The following ANKFN1 variants were observed in gnomAD, a reference collection of about 807,000 sequenced individuals.
The protein encoded by ANKFN1 is ankyrin repeat and fibronectin type III domain containing 1.
A neutral mutation model predicts 108.7 loss-of-function variants in ANKFN1; 74 were observed. The observed-to-expected ratio is 0.68, with a 90% CI of 0.56 to 0.83. The LOEUF is 0.83. ANKFN1 is among the 40% of genes least tolerant of loss of function. The probability of loss-of-function intolerance (pLI) is 0.00; values close to 1 mark genes in which losing one functional copy is unlikely to be tolerated. For synonymous variants in ANKFN1, 547 were observed against 516.2 expected, an observed-to-expected ratio of 1.06 and a Z score of -0.81; for missense variants, 1,505 against 1,382.3, an observed-to-expected ratio of 1.09 and a Z score of -1.41.
In ANKFN1 at chr17:56,353,968, C is replaced by G. The variant is rs1394524245; in HGVS notation, c.523C>G (p.Leu175Val). 1.9e-6 allele frequency: 3 copies of G among 1,613,886 alleles called. No homozygotes were observed. Among genetic ancestry groups the G allele is most frequent in the Non-Finnish European group, 2.5e-6 (3 of 1,179,996 alleles). ...ACCTAACAGCGAGGGCTTGACACCCCTGGATATTGCCATCATGACCAACAA... is the reference window on the plus strand; with the variant it reads ...ACCTAACAGCGAGGGCTTGACACCCGTGGATATTGCCATCATGACCAACAA... The part of the protein sequence containing the change: ...NTPNSEGLTP[L>V]DIAIMTNNVP... The change falls in exon 6 of 21, where the codon CTG becomes GTG. Residue 175 changes from leucine to valine, a missense_variant. Coordinates refer to ENST00000682825, the MANE Select transcript of ANKFN1 (RefSeq NM_001370326.1).
At chr17:56,144,794 T>C (rs1908154846) in intron 4 of ANKFN1, among the ~76,000 whole-genome samples, 1 of 152,216 alleles carries the variant, frequency 6.6e-6, no homozygotes, top group South Asian at 2.1e-4. Context: ...TTGGAGCAGA[T>C]GTCTGAGGCA....
intron 4 of ANKFN1, among the ~76,000 whole-genome samples, chr17:56,339,278 T>G (rs8082579): frequency 0.79 from 120,752 of 152,000 alleles, 48,281 homozygotes; most frequent in East Asian, 0.96. Flanking sequence ...TTTTATATTT[T>G]TCTGTATAAT....
chr17:56,325,699 C>T (rs1251145395), intron 3 of ANKFN1, among the ~76,000 whole-genome samples: 1 of 152,176 alleles, frequency 6.6e-6, no homozygotes, highest in Non-Finnish European at 1.5e-5. Context: ...GCGCAGGTGC[C>T]CTGTGGTGAA....
chr17:56,477,700 T>C, intron 16 of ANKFN1, 46 bp downstream of exon 16: 1 of 1,587,268 alleles, frequency 6.3e-7, no homozygotes, highest in Non-Finnish European at 8.6e-7. Flanking sequence ...AAACAGTGGC[T>C]CAAGTGACCA....
chr17:56,068,337 G>A (rs1410511559), intron 4 of ANKFN1, among the ~76,000 whole-genome samples: 2 of 152,166 alleles, frequency 1.3e-5, no homozygotes, highest in Admixed American at 6.5e-5. Context: ...AGATGAGAAG[G>A]TGAAGCAGCC....
intron 1 of ANKFN1, among the ~76,000 whole-genome samples, chr17:56,159,791 GAT>G (rs1393655503): frequency 2.6e-5 from 4 of 152,110 alleles, no homozygotes; most frequent in Non-Finnish European, 5.9e-5. Context: ...TGGACAGAAA[GAT>G]AGAGGGGCAG....
chr17:56,297,538 T>G (rs1990496), intron 3 of ANKFN1, among the ~76,000 whole-genome samples: 5,199 of 152,284 alleles, frequency 0.034, 113 homozygotes, highest in Non-Finnish European at 0.055. Context: ...TGAGATTCAT[T>G]TTGATAATCT....
chr17:56,159,812 G>A (rs1462941314), intron 1 of ANKFN1, among the ~76,000 whole-genome samples: 1 of 152,164 alleles, frequency 6.6e-6, no homozygotes, highest in East Asian at 1.9e-4. Flanking sequence ...AGAGAGAAAT[G>A]GGGCACTGTC....
In ANKFN1 at chr17:56,513,412, A is replaced by G. The variant is rs915910676; in HGVS notation, c.*2143A>G. ...CATTTCAAATTATGCCTCTTAGTTA[A>G]TAACAAGAATGGCAGAGTCATTTGC... On this transcript the variant is annotated 3_prime_UTR_variant, in exon 21 of 21. Transcript: ENST00000682825. 1.3e-5 allele frequency among the ~76,000 whole-genome samples: 2 copies of G among 152,266 alleles called. No individual in the cohort carries two copies. The highest frequency in any genetic ancestry group is 4.8e-5 in the African/African-American group (2 of 41,486).
intron 3 of ANKFN1, among the ~76,000 whole-genome samples, chr17:56,260,461 A>G (rs2043480924): frequency 1.3e-5 from 2 of 151,968 alleles, no homozygotes; most frequent in South Asian, 4.1e-4. Context: ...CCTTTGGCAA[A>G]TAGGGGCGGG....
At chr17:56,286,034 G>A (rs1029125480) in intron 3 of ANKFN1, among the ~76,000 whole-genome samples, 1 of 152,132 alleles carries the variant, frequency 6.6e-6, no homozygotes. Flanking sequence ...AAGCATCTCA[G>A]TGTGGAAAAG....
At chr17:56,288,636 C>T (rs1158995250) in intron 3 of ANKFN1, among the ~76,000 whole-genome samples, 2 of 152,106 alleles carry the variant, frequency 1.3e-5, no homozygotes, top group Admixed American at 6.6e-5. Flanking sequence ...CTAAAACTTA[C>T]CCTACAAGAG....
chr17:56,447,005 T>C (rs1031916619), intron 10 of ANKFN1, among the ~76,000 whole-genome samples: 19 of 151,884 alleles, frequency 1.3e-4, no homozygotes, highest in African/African-American at 4.6e-4. Flanking sequence ...GGTGGATCAC[T>C]TGAGGCCAGA....
chr17:56,221,951 C>A (rs1915923143), intron 2 of ANKFN1, among the ~76,000 whole-genome samples: 1 of 152,174 alleles, frequency 6.6e-6, no homozygotes, highest in East Asian at 1.9e-4. Flanking sequence ...GGGGCCCACC[C>A]CATAGAGCCT....
chr17:56,273,898 A>C (rs1473138029), intron 3 of ANKFN1, among the ~76,000 whole-genome samples: 1 of 152,224 alleles, frequency 6.6e-6, no homozygotes, highest in Non-Finnish European at 1.5e-5. Context: ...CTTCAGGTAC[A>C]GTTTGATTCA....
chr17:56,152,852 CCAGCCT>C (rs1411939046), upstream of ANKFN1, among the ~76,000 whole-genome samples: 1 of 152,192 alleles, frequency 6.6e-6, no homozygotes, highest in Non-Finnish European at 1.5e-5. Context: ...AAAAGAAAGG[CCAGCCT>C]CAGCCCTTAA....
intron 1 of ANKFN1, among the ~76,000 whole-genome samples, chr17:56,178,215 A>G (rs576769981): frequency 6.6e-4 from 101 of 152,324 alleles, no homozygotes; most frequent in Admixed American, 2.6e-3. Context: ...CCCCAGAATG[A>G]TCTGATCCAT....
intron 2 of ANKFN1, among the ~76,000 whole-genome samples, 175 bp downstream of exon 2, chr17:56,212,854 C>T (rs1279292540): frequency 1.3e-5 from 2 of 152,110 alleles, no homozygotes; most frequent in African/African-American, 4.8e-5. Context: ...TTTTTTGCTA[C>T]TTGGTCCAAA....
At position 56,392,902 on chromosome 17, in the gene ANKFN1, A is replaced by G. The variant is rs550780720; in HGVS notation, c.910+18188A>G. On this transcript the variant is annotated intron_variant, in intron 8 of 20. Coordinates refer to ENST00000682825, the MANE Select transcript of ANKFN1 (RefSeq NM_001370326.1). ...CTCGCATTGTGCCAGCTCTTGTCAT[A>G]TGCAAAAGCTCCCTGATGACTTTCC... 3.9e-5 allele frequency among the ~76,000 whole-genome samples: 6 copies of G among 152,296 alleles called. No individual in the cohort carries two copies. In the East Asian group the frequency reaches 1.2e-3, roughly 29 times the overall value.
Sources: gnomAD v4.1 joint callset for allele counts (sites outside exome capture counted in the v4.1 genomes callset) on GRCh38, gnomAD v4.1.1 for gene constraint, MANE v1.5 for transcripts, NCBI Gene and HGNC (gene_info 2026-07-23, HGNC 2026-07-21) for gene names.